The following UNC13D variants were observed in gnomAD, a reference collection of about 807,000 sequenced individuals.
UNC13D encodes protein unc-13 homolog D.
Under a neutral mutation model 151.7 loss-of-function variants are expected in UNC13D, and 115 were observed. The observed-to-expected ratio is 0.76, with a 90% CI of 0.65 to 0.88. The LOEUF is 0.88. Among genes scored for constraint, UNC13D ranks in the 40% least tolerant of loss-of-function variants. The probability of loss-of-function intolerance (pLI) is 0.00; values close to 1 mark genes in which losing one functional copy is unlikely to be tolerated. For synonymous variants in UNC13D, 588 were observed against 612.2 expected (o/e 0.96, Z 0.58); for missense variants, 1,369 against 1,438.7 (o/e 0.95, Z 0.78).
At position 75,827,380 on chromosome 17, in the gene UNC13D, G is replaced by C. The variant is rs1180465676; in HGVS notation, c.*585C>G. The C allele has an allele frequency of 7.5e-7, 1 of 1,332,530 alleles. No homozygotes were observed. Among genetic ancestry groups the C allele is most frequent in the African/African-American group, 1.5e-5 (1 of 67,850 alleles). The allele number at this position is 1,332,530 out of a possible 1,614,324, so 82.5% of individuals were successfully genotyped here. The stretch of plus-strand genomic sequence containing the variant: ...TCTGTGCCAGCCCTGCCGCCTGCCA[G>C]CTCTTGCTCCCTCAGAGCCAGAAGG... On this transcript the variant is annotated 3_prime_UTR_variant, in exon 32 of 32. Coordinates refer to ENST00000207549, the MANE Select transcript of UNC13D (RefSeq NM_199242.3).
rs751896552 is a variant in UNC13D, at chr17:75,835,406, C to T, written c.1848+3G>A. ...CCGCCCCCTGCCCTGGCCACGCCCC[C>T]ACCTCATCCATCTGCACAGCGCGCT... On this transcript the variant is annotated splice_donor_region_variant and intron_variant, in intron 20 of 31. Transcript: ENST00000207549. 4 of 1,611,498 alleles carry T rather than the reference C, an allele frequency of 2.5e-6. No individual in the cohort carries two copies. The South Asian group carries it at 4.4e-5, about 18-fold the overall frequency.
In UNC13D at chr17:75,836,067, C is replaced by T; in HGVS notation, c.1489G>A (p.Asp497Asn). The stretch of plus-strand genomic sequence containing the variant: ...CACTGGTGCAGGTCGCCAATGACAT[C>T]CTGTACCAGGCCCAGCAAGGCCTTG... ...AGKALLGLVQ[D>N]VIGDLHQCQR... Residue 497 changes from aspartate (D) to asparagine (N), a missense_variant, in exon 17 of 32, where the codon GAT becomes AAT. Around this residue, in one of 3 missense-constraint regions of UNC13D, gnomAD observed 807 missense variants for 795.5 expected, o/e 1.01. Coordinates refer to ENST00000207549, the MANE Select transcript of UNC13D (RefSeq NM_199242.3). The T allele has an allele frequency of 6.2e-7, 1 of 1,613,842 alleles. No homozygotes were observed.
At chr17:75,830,242 C>G in intron 29 of UNC13D, 91 bp from the exon 30 acceptor site, 4 of 1,554,692 alleles carry the variant, frequency 2.6e-6, no homozygotes, top group South Asian at 1.2e-5. Context: ...ACTGACCCCT[C>G]CTGGTAACTG....
chr17:75,840,401 G>A lies in UNC13D; in HGVS notation c.754-72C>T, dbSNP rs543798055. On this transcript the variant is annotated intron_variant, in intron 9 of 31. Coordinates refer to ENST00000207549, the MANE Select transcript of UNC13D (RefSeq NM_199242.3). The surrounding 1 kb of genome is among the most constrained non-coding windows in gnomAD (Gnocchi z 4.6). Reference sequence around the variant, plus strand: ...GTCGGGGCAGCGGAGGCGACAGGAGGTGGACCCCAGGCTCAGCTTTGTGAG... The same window carrying A: ...GTCGGGGCAGCGGAGGCGACAGGAGATGGACCCCAGGCTCAGCTTTGTGAG... The A allele has an allele frequency of 3.7e-6, 6 of 1,607,042 alleles. No homozygotes were observed. Among genetic ancestry groups the A allele is most frequent in the East Asian group, 4.5e-5 (2 of 44,832 alleles).
chr17:75,844,205 G>A lies in UNC13D; in HGVS notation c.117+16C>T, dbSNP rs772976024. 2 of 1,609,800 alleles carry A rather than the reference G, an allele frequency of 1.2e-6. No individual in the cohort carries two copies. On this transcript the variant is annotated intron_variant, in intron 1 of 31. Coordinates refer to ENST00000207549, the MANE Select transcript of UNC13D (RefSeq NM_199242.3). ...CTCCCCAAGGCCAGCTCTCTCCCCA[G>A]TGAGGTCACTCCTACCTCCGGGGCC...
In UNC13D at chr17:75,833,110, C is replaced by T; in HGVS notation, c.2368-65G>A. On this transcript the variant is annotated intron_variant, in intron 24 of 31. Transcript: ENST00000207549. The surrounding 1 kb of genome is among the most constrained non-coding windows in gnomAD (Gnocchi z 4.0). ...TGTTGGCCCCACCCCCATCCCCTTC[C>T]CCTGACCTGGAGGGAGGAAACAGGG... 2.7e-6 allele frequency: 4 copies of T among 1,497,018 alleles called. No individual in the cohort carries two copies. Among genetic ancestry groups the T allele is most frequent in the Non-Finnish European group, 3.6e-6 (4 of 1,098,310 alleles). The allele number at this position is 1,497,018 out of a possible 1,614,324, so 92.7% of individuals were successfully genotyped here.
chr17:75,835,637 T>A lies in UNC13D; in HGVS notation c.1727+10A>T. 6.2e-7 allele frequency: 1 copy of A among 1,613,240 alleles called. No homozygotes were observed. The highest frequency in any genetic ancestry group is 1.1e-5 in the South Asian group (1 of 91,084). ...CCCCTGCAGCCGCCCACAATTGGCC[T>A]GCTGCCCACCTCTCTGAGGAGCTCA... On this transcript the variant is annotated intron_variant, in intron 19 of 31. Transcript: ENST00000207549.
Position 75,843,513 on chromosome 17 carries a change from G to C in UNC13D, c.124C>G (p.Pro42Ala). ...TCGGGGGAGAAGTGGTGGGATGGAGGCTGGATCTGCAGAGCAAGGTGGAAA... is the reference window on the plus strand; with the variant it reads ...TCGGGGGAGAAGTGGTGGGATGGAGCCTGGATCTGCAGAGCAAGGTGGAAA... Reference protein sequence around the residue: ...PPPQMAPEIQPPSHHFSPEQR... With the variant: ...PPPQMAPEIQAPSHHFSPEQR... The change falls in exon 2 of 32, where the codon CCT becomes GCT. Residue 42 changes from proline to alanine, a missense_variant. Pro to Ala is a conservative substitution (Grantham distance 27). Coordinates refer to ENST00000207549, the MANE Select transcript of UNC13D (RefSeq NM_199242.3). The C allele has an allele frequency of 6.2e-7, 1 of 1,611,612 alleles. No homozygotes were observed. Among genetic ancestry groups the C allele is most frequent in the African/African-American group, 1.3e-5 (1 of 75,026 alleles).
At position 75,835,938 on chromosome 17, in the gene UNC13D, G is replaced by A. The variant is rs749702674; in HGVS notation, c.1545-32C>T. ...GAAAGGCAGCAGGTGTCACCCAGTGGCATACACCAGGGTCCCCATGGTTCC... is the reference window on the plus strand; with the variant it reads ...GAAAGGCAGCAGGTGTCACCCAGTGACATACACCAGGGTCCCCATGGTTCC... On this transcript the variant is annotated intron_variant, in intron 17 of 31. Transcript: ENST00000207549. 3.0e-5 allele frequency: 48 copies of A among 1,614,032 alleles called. No homozygotes were observed. The Middle Eastern group carries it at 1.2e-3, about 39-fold the overall frequency.
chr17:75,840,528 C>A lies in UNC13D; in HGVS notation c.732G>T (p.Gly244=). 1 of 1,613,968 alleles carries A rather than the reference C, an allele frequency of 6.2e-7. No homozygotes were observed. Among genetic ancestry groups the A allele is most frequent in the Non-Finnish European group, 8.5e-7 (1 of 1,179,970 alleles). The change falls in exon 9 of 32, where the codon GGG becomes GGT. Residue 244 remains glycine, a synonymous_variant. Transcript: ENST00000207549. The surrounding 1 kb of genome is among the most constrained non-coding windows in gnomAD (Gnocchi z 4.6). ...RKDKGQDDFL[G]NVVLRLQDLR... Reference sequence around the variant, plus strand: ...TCACCTGCAGCCTCAGAACCACGTTCCCCAGAAAGTCGTCCTGGCCTTTGT... The same window carrying A: ...TCACCTGCAGCCTCAGAACCACGTTACCCAGAAAGTCGTCCTGGCCTTTGT...
intron 1 of UNC13D, chr17:75,844,012 C>A: frequency 7.0e-7 from 1 of 1,424,110 alleles, no homozygotes. Context: ...CCTCAGACCA[C>A]AGGGCCTGAG....
At chr17:75,838,916 C>T (rs562320756) in intron 12 of UNC13D, among the ~76,000 whole-genome samples, 19 of 151,960 alleles carry the variant, frequency 1.3e-4, no homozygotes, top group South Asian at 2.1e-4. Flanking sequence ...CTGGCTAACA[C>T]GGTGAAACCC....
intron 12 of UNC13D, among the ~76,000 whole-genome samples, chr17:75,838,471 G>A (rs1429891848): frequency 6.6e-6 from 1 of 151,778 alleles, no homozygotes; most frequent in African/African-American, 2.4e-5. Flanking sequence ...TGCCTGTCTC[G>A]GCCTCCCAAA....
rs145232347 is a variant in UNC13D, at chr17:75,844,290, G to A, written c.48C>T (p.Arg16=). Residue 16 remains arginine (R), a synonymous_variant, in exon 1 of 32, where the codon CGC becomes CGT. Coordinates refer to ENST00000207549, the MANE Select transcript of UNC13D (RefSeq NM_199242.3). ...TGCGGCGCCTTATCTTGATGGCCTG[G>A]CGCAAGAAGGGAGGGCGCTGCTGCG... ...SHPQQRPPFL[R]QAIKIRRRRV... The A allele has an allele frequency of 2.5e-6, 4 of 1,612,676 alleles. No individual in the cohort carries two copies. The highest frequency in any genetic ancestry group is 1.1e-5 in the South Asian group (1 of 91,068).
intron 21 of UNC13D, 44 bp downstream of exon 21, chr17:75,834,876 G>A: frequency 1.9e-6 from 3 of 1,613,634 alleles, no homozygotes; most frequent in South Asian, 2.2e-5. Flanking sequence ...TGGTAGTGTG[G>A]CTGTTCTAGA....
At position 75,840,018 on chromosome 17, in the gene UNC13D, C is replaced by G; in HGVS notation, c.951G>C (p.Glu317Asp). The change falls in exon 11 of 32, where the codon GAG becomes GAC. Residue 317 changes from glutamate (E) to aspartate (D), a missense_variant and splice_region_variant. This residue lies in a region of UNC13D where 550 missense variants were observed against 609.0 expected (regional missense o/e 0.90). Transcript: ENST00000207549. The surrounding 1 kb of genome is among the most constrained non-coding windows in gnomAD (Gnocchi z 4.6). ...QLVSHEVTQHEAGSTSWDGSL... is the reference protein window; with the variant it reads ...QLVSHEVTQHDAGSTSWDGSL... Reference sequence around the variant, plus strand: ...GCGCCCAGCCCCAGGAGGGCAATACCTCGTGCTGGGTGACCTCGTGGGACA... The same window carrying G: ...GCGCCCAGCCCCAGGAGGGCAATACGTCGTGCTGGGTGACCTCGTGGGACA... 1.9e-6 allele frequency: 3 copies of G among 1,613,630 alleles called. No individual in the cohort carries two copies. Among genetic ancestry groups the G allele is most frequent in the South Asian group, 1.1e-5 (1 of 91,072 alleles).
In UNC13D at chr17:75,842,942, TG is replaced by T. The variant is rs780242816; in HGVS notation, c.322-20del. The T allele has an allele frequency of 6.2e-7, 1 of 1,613,252 alleles. No homozygotes were observed. Among genetic ancestry groups the T allele is most frequent in the Non-Finnish European group, 8.5e-7 (1 of 1,179,990 alleles). On this transcript the variant is annotated intron_variant, in intron 4 of 31. Transcript: ENST00000207549. ...TTGGCTTCTGGAGGGACAGGAGGGATGGCCTGAGTCCCTGAGGGGGCTGGGC... is the reference window on the plus strand; with the variant it reads ...TTGGCTTCTGGAGGGACAGGAGGGATGCCTGAGTCCCTGAGGGGGCTGGGC...
At chr17:75,836,316 C>A (rs763523084) in intron 15 of UNC13D, 23 bp downstream of exon 15, 1 of 1,613,450 alleles carries the variant, frequency 6.2e-7, no homozygotes, top group African/African-American at 1.3e-5. Flanking sequence ...TGGTCTCCCC[C>A]ATCCCCAGCG....
At chr17:75,844,151 G>A in intron 1 of UNC13D, 70 bp downstream of exon 1, 1 of 1,577,312 alleles carries the variant, frequency 6.3e-7, no homozygotes, top group Non-Finnish European at 8.6e-7. Context: ...GGGCCAGACA[G>A]CAGGGCACCC....
Sources: gnomAD v4.1 joint callset for allele counts (sites outside exome capture counted in the v4.1 genomes callset) on GRCh38, gnomAD v4.1.1 for gene constraint, gnomAD v4.1.1 regional missense constraint, Gnocchi (gnomAD v3.1) non-coding constraint, MANE v1.5 for transcripts, NCBI Gene and HGNC (gene_info 2026-07-23, HGNC 2026-07-21) for gene names.